Variants in VSNL1 observed in about 807,000 individuals in gnomAD.
VSNL1 encodes visinin like 1, also known as visinin-like protein 1.
VSNL1 carries 6 observed loss-of-function variants against 20.4 expected under a neutral mutation model. The ratio of observed to expected loss-of-function variants is 0.29; its 90% CI spans 0.16 to 0.58. The LOEUF is 0.58. Among genes scored for constraint, VSNL1 ranks in the 20% least tolerant of loss-of-function variants. The pLI, the probability that VSNL1 is intolerant of heterozygous loss-of-function variation, is 0.90. For synonymous variants in VSNL1, 93 were observed against 86.4 expected (o/e 1.08, Z -0.42); for missense variants, 100 against 234.5 (o/e 0.43, Z 3.75).
At chr2:17,597,455 C>T (rs1292445248) in intron 2 of VSNL1, among the ~76,000 whole-genome samples, 2 of 152,338 alleles carry the variant, frequency 1.3e-5, no homozygotes, top group Middle Eastern at 3.4e-3. Flanking sequence ...CTCTCCTGAG[C>T]CTCAGCTTGT....
intron 2 of VSNL1, among the ~76,000 whole-genome samples, chr2:17,611,137 G>A (rs1207260494): frequency 6.6e-6 from 1 of 152,078 alleles, no homozygotes; most frequent in Non-Finnish European, 1.5e-5. Flanking sequence ...TGTGTACCTG[G>A]GTACTATGCT....
rs7582405 is a variant in VSNL1, at chr2:17,613,530, C to T, written c.162+21294C>T. Among the ~76,000 whole-genome samples the T allele has an allele frequency of 6.3e-3, 967 of 152,300 alleles. 9 individuals carry two copies. The highest frequency in any genetic ancestry group is 0.02 in the African/African-American group (840 of 41,554). ...CATCCTCATAACAGATGTTTCCCTT[C>T]TCTGGGCCTGTTTCCTCATCACAAA... is the stretch of plus-strand genomic sequence containing the variant. On this transcript the variant is annotated intron_variant, in intron 2 of 3. Transcript: ENST00000295156.
chr2:17,578,932 T>A (rs1003394270), intron 1 of VSNL1, among the ~76,000 whole-genome samples: 1 of 152,182 alleles, frequency 6.6e-6, no homozygotes, highest in African/African-American at 2.4e-5. Context: ...TCCAAAACCC[T>A]AAGAAGGAAC....
chr2:17,565,838 A>T (rs991798759), intron 1 of VSNL1, among the ~76,000 whole-genome samples: 1 of 152,214 alleles, frequency 6.6e-6, no homozygotes, highest in Non-Finnish European at 1.5e-5. Context: ...AGGTGGACTT[A>T]ATTGAATCAG....
intron 1 of VSNL1, among the ~76,000 whole-genome samples, chr2:17,553,965 G>GAAC (rs1572328038): frequency 6.6e-6 from 1 of 152,112 alleles, no homozygotes; most frequent in Non-Finnish European, 1.5e-5. Flanking sequence ...AAGAAGTAGG[G>GAAC]AACTGAGCAT....
At chr2:17,563,948 A>C (rs1663876182) in intron 1 of VSNL1, among the ~76,000 whole-genome samples, 1 of 151,938 alleles carries the variant, frequency 6.6e-6, no homozygotes, top group Non-Finnish European at 1.5e-5. Flanking sequence ...CTTACTTCTA[A>C]ATAGTCTTCT....
intron 1 of VSNL1, among the ~76,000 whole-genome samples, chr2:17,584,603 A>C (rs890268125): frequency 2.6e-5 from 4 of 152,164 alleles, no homozygotes; most frequent in Non-Finnish European, 5.9e-5. Context: ...GAGCCACTTC[A>C]GGCTCTCAGC....
intron 1 of VSNL1, among the ~76,000 whole-genome samples, chr2:17,574,769 T>G (rs62131541): frequency 0.033 from 5,019 of 152,212 alleles, 89 homozygotes; most frequent in East Asian, 0.098. Context: ...AACTAAGCTA[T>G]CAAACTTTGT....
intron 2 of VSNL1, among the ~76,000 whole-genome samples, chr2:17,618,983 C>T (rs1665284475): frequency 6.6e-6 from 1 of 151,976 alleles, no homozygotes; most frequent in African/African-American, 2.4e-5. Context: ...GTGGTGGGGT[C>T]GGGGTTGGGA....
intron 2 of VSNL1, among the ~76,000 whole-genome samples, chr2:17,605,235 G>T (rs1664917020): frequency 6.6e-6 from 1 of 152,232 alleles, no homozygotes; most frequent in East Asian, 1.9e-4. Flanking sequence ...GTCTGATTAT[G>T]CAGCAAAGAT....
At chr2:17,595,051 A>T (rs1572354232) in intron 2 of VSNL1, among the ~76,000 whole-genome samples, 1 of 152,040 alleles carries the variant, frequency 6.6e-6, no homozygotes, top group South Asian at 2.1e-4. Flanking sequence ...CCTCATTAAC[A>T]CCCTCCAGCC....
intron 1 of VSNL1, among the ~76,000 whole-genome samples, chr2:17,552,125 G>A (rs1278627072): frequency 1.3e-5 from 2 of 151,422 alleles, no homozygotes; most frequent in South Asian, 2.1e-4. Context: ...GCGTGAACCC[G>A]GGAGGCGGAG....
Position 17,566,969 on chromosome 2 carries a change from C to A in VSNL1, c.-5-25101C>A, listed in dbSNP as rs145938413. ...TGTTCTATTGCCATTTTGTATTTTTCCATTATTTTATCAGTACCAAACTGT... is the reference window on the plus strand; with the variant it reads ...TGTTCTATTGCCATTTTGTATTTTTACATTATTTTATCAGTACCAAACTGT... On this transcript the variant is annotated intron_variant, in intron 1 of 3. Transcript: ENST00000295156. Among the ~76,000 whole-genome samples the A allele has an allele frequency of 4.9e-3, 751 of 152,180 alleles. 5 individuals carry two copies. Among genetic ancestry groups the A allele is most frequent in the African/African-American group, 0.017 (722 of 41,534 alleles).
At chr2:17,586,504 G>T (rs181932540) in intron 1 of VSNL1, among the ~76,000 whole-genome samples, 1 of 152,316 alleles carries the variant, frequency 6.6e-6, no homozygotes, top group African/African-American at 2.4e-5. Context: ...TATCCTCTGT[G>T]TTATGTAGCT....
intron 3 of VSNL1, among the ~76,000 whole-genome samples, chr2:17,651,637 A>G (rs1666124568): frequency 6.6e-6 from 1 of 152,246 alleles, no homozygotes; most frequent in Non-Finnish European, 1.5e-5. Context: ...GGGCTGGGCC[A>G]GCTCCCGGCA....
chr2:17,592,902 G>C (rs943192703), intron 2 of VSNL1, among the ~76,000 whole-genome samples: 1 of 152,030 alleles, frequency 6.6e-6, no homozygotes, highest in Admixed American at 6.6e-5. Flanking sequence ...GTTTTGGCTT[G>C]TCTGAGTCTA....
At chr2:17,603,372 C>T (rs138165216) in intron 2 of VSNL1, among the ~76,000 whole-genome samples, 4 of 152,276 alleles carry the variant, frequency 2.6e-5, no homozygotes, top group Non-Finnish European at 5.9e-5. Context: ...GTGAGCTCTC[C>T]GAGGCCTCTT....
intron 2 of VSNL1, among the ~76,000 whole-genome samples, chr2:17,626,265 G>A (rs1032407086): frequency 6.6e-6 from 1 of 152,218 alleles, no homozygotes; most frequent in Non-Finnish European, 1.5e-5. Flanking sequence ...ACTGTTGGGA[G>A]TTCTGGCCGT....
At chr2:17,541,007 T>C (rs532320527) in intron 1 of VSNL1, 89 bp downstream of exon 1, 1 of 152,210 alleles carries the variant, frequency 6.6e-6, no homozygotes, top group South Asian at 2.1e-4. Context: ...TCACATACTT[T>C]GCTTTGCATA....
Sources: allele counts gnomAD v4.1 joint callset (sites outside exome capture counted in the v4.1 genomes callset), GRCh38; gene constraint gnomAD v4.1.1; transcripts MANE v1.5; gene names NCBI Gene and HGNC (gene_info 2026-07-23, HGNC 2026-07-21).